Variants in IQCM observed in about 807,000 individuals in gnomAD.
IQCM encodes IQ motif containing M.
IQCM carries 45 observed loss-of-function variants against 57.6 expected under a neutral mutation model. The ratio of observed to expected loss-of-function variants is 0.78; its 90% CI spans 0.62 to 1.00. IQCM has a LOEUF of 1.00. Among genes scored for constraint, IQCM ranks in the 50% least tolerant of loss-of-function variants. The probability of loss-of-function intolerance (pLI) is 0.00; values close to 1 mark genes in which losing one functional copy is unlikely to be tolerated. For missense variants in IQCM, 468 were observed against 511.6 expected, an observed-to-expected ratio of 0.91 and a Z score of 0.82; for synonymous variants, 148 against 158.9, an observed-to-expected ratio of 0.93 and a Z score of 0.51.
rs1247839739 is a variant in IQCM, at chr4:149,610,122, C to A, written c.681+11007G>T. On this transcript the variant is annotated intron_variant, in intron 8 of 13. Transcript: ENST00000636793. The stretch of plus-strand genomic sequence containing the variant: ...TGAAAAAGAAACCAACAAAGTAATT[C>A]TATTTATAATAGCCACAAATAAAAA... Among the ~76,000 whole-genome samples the A allele has an allele frequency of 1.3e-5, 2 of 151,656 alleles. 1 individual carries two copies. Among genetic ancestry groups the A allele is most frequent in the South Asian group, 4.1e-4 (2 of 4,824 alleles).
chr4:149,789,243 A>C (rs1046733365), intron 2 of IQCM, among the ~76,000 whole-genome samples: 4 of 152,230 alleles, frequency 2.6e-5, no homozygotes, highest in African/African-American at 9.6e-5. Flanking sequence ...CTATGCACGC[A>C]ACAAAATATC....
intron 7 of IQCM, among the ~76,000 whole-genome samples, chr4:149,628,786 G>C (rs1488171944): frequency 6.6e-6 from 1 of 152,022 alleles, no homozygotes; most frequent in African/African-American, 2.4e-5. Flanking sequence ...TAAGAATAAA[G>C]AAAATTTAAT....
rs1766907340 is a variant in IQCM, at chr4:149,736,007, G to A, written c.38-549C>T. Among the ~76,000 whole-genome samples, 3 of 143,228 alleles carry A rather than the reference G, an allele frequency of 2.1e-5. No homozygotes were observed. In the Admixed American group the frequency reaches 2.1e-4, roughly 10 times the overall value. 94.0% of individuals were successfully genotyped at this position (143,228 alleles called of 152,430 possible). On this transcript the variant is annotated intron_variant, in intron 3 of 13. Coordinates refer to ENST00000636793, the MANE Select transcript of IQCM (RefSeq NM_001363507.2). ...CTGTTGCCCAATCTGGAGTACAGTTGCACAATTCTGGCTCTGTGCAACCTC... is the reference window on the plus strand; with the variant it reads ...CTGTTGCCCAATCTGGAGTACAGTTACACAATTCTGGCTCTGTGCAACCTC...
At chr4:149,738,067 G>C (rs1183986349) in intron 3 of IQCM, among the ~76,000 whole-genome samples, 1 of 152,122 alleles carries the variant, frequency 6.6e-6, no homozygotes, top group East Asian at 1.9e-4. Flanking sequence ...TTTCAGACAA[G>C]ACCTTAGAGA....
Position 149,386,161 on chromosome 4 carries a change from A to G in IQCM, c.1391-34095T>C, listed in dbSNP as rs960026306. 3.9e-5 allele frequency among the ~76,000 whole-genome samples: 6 copies of G among 152,060 alleles called. No individual in the cohort carries two copies. In the East Asian group the frequency reaches 1.2e-3, roughly 29 times the overall value. ...AAGAAATGTGAGTTTGTGCACCTGTAATTTACTATTACTGTATAGCATGTT... is the reference window on the plus strand; with the variant it reads ...AAGAAATGTGAGTTTGTGCACCTGTGATTTACTATTACTGTATAGCATGTT... On this transcript the variant is annotated intron_variant, in intron 13 of 13. Transcript: ENST00000636793.
chr4:149,770,132 A>G (rs1561254637), intron 2 of IQCM, among the ~76,000 whole-genome samples: 1 of 147,706 alleles, frequency 6.8e-6, no homozygotes, highest in Admixed American at 6.7e-5. Context: ...ACAATAAAAA[A>G]AGGGGGCATT....
At chr4:149,386,930 A>C (rs1217526785) in intron 13 of IQCM, among the ~76,000 whole-genome samples, 2 of 152,034 alleles carry the variant, frequency 1.3e-5, no homozygotes, top group African/African-American at 4.8e-5. Flanking sequence ...TTTACCAAAA[A>C]CTACATAAGT....
intron 13 of IQCM, among the ~76,000 whole-genome samples, chr4:149,378,870 T>A (rs1730878373): frequency 6.6e-6 from 1 of 152,100 alleles, no homozygotes; most frequent in East Asian, 1.9e-4. Flanking sequence ...GCCCCTCCCA[T>A]CACAAACCTG....
At chr4:149,431,378 T>C (rs1579035378) in intron 13 of IQCM, among the ~76,000 whole-genome samples, 1 of 152,144 alleles carries the variant, frequency 6.6e-6, no homozygotes, top group East Asian at 1.9e-4. Context: ...TATATAATGA[T>C]ATCTCACTGT....
At chr4:149,745,278 G>A (rs1767822437) in intron 2 of IQCM, among the ~76,000 whole-genome samples, 1 of 152,184 alleles carries the variant, frequency 6.6e-6, no homozygotes, top group African/African-American at 2.4e-5. Context: ...AATGGTCAAA[G>A]AACTATTGAA....
At chr4:149,672,560 G>A (rs1561137871) in intron 7 of IQCM, among the ~76,000 whole-genome samples, 1 of 152,134 alleles carries the variant, frequency 6.6e-6, no homozygotes, top group Non-Finnish European at 1.5e-5. Context: ...AATGAAGTGA[G>A]AAGAGAAGTT....
rs534915796 is a variant in IQCM, at chr4:149,594,122, C to T, written c.682-6125G>A. Among the ~76,000 whole-genome samples, 21 of 152,252 alleles carry T rather than the reference C, an allele frequency of 1.4e-4. No homozygotes were observed. The East Asian group carries it at 2.5e-3, about 18-fold the overall frequency. On this transcript the variant is annotated intron_variant, in intron 8 of 13. Transcript: ENST00000636793. ...TTGATTGGTAGGCTATTAATTATTGCCTCAATTTCAGAGCCTGTTATTGGT... is the reference window on the plus strand; with the variant it reads ...TTGATTGGTAGGCTATTAATTATTGTCTCAATTTCAGAGCCTGTTATTGGT...
At chr4:149,662,671 C>G (rs1336755615) in intron 7 of IQCM, among the ~76,000 whole-genome samples, 1 of 151,788 alleles carries the variant, frequency 6.6e-6, no homozygotes, top group Non-Finnish European at 1.5e-5. Context: ...TTCTCTGTTT[C>G]TTTCTATAAT....
At chr4:149,393,953 T>C (rs1289975665) in intron 13 of IQCM, among the ~76,000 whole-genome samples, 3 of 151,942 alleles carry the variant, frequency 2.0e-5, no homozygotes, top group African/African-American at 7.2e-5. Flanking sequence ...TAAACAAATG[T>C]TGCATGGATA....
At chr4:149,753,706 T>C (rs1476825466) in intron 2 of IQCM, among the ~76,000 whole-genome samples, 7 of 149,978 alleles carry the variant, frequency 4.7e-5, no homozygotes, top group African/African-American at 1.7e-4. Context: ...GTTGTGCCCA[T>C]GTACCCTAGA....
intron 13 of IQCM, among the ~76,000 whole-genome samples, chr4:149,364,283 C>A (rs1729688470): frequency 6.6e-6 from 1 of 152,016 alleles, no homozygotes; most frequent in African/African-American, 2.4e-5. Context: ...TTGAAGGGGG[C>A]TATAGCAATA....
chr4:149,546,976 C>G (rs1437989296), intron 12 of IQCM, among the ~76,000 whole-genome samples: 1 of 152,060 alleles, frequency 6.6e-6, no homozygotes, highest in Non-Finnish European at 1.5e-5. Flanking sequence ...AGTCTTTAAT[C>G]CATCTTGAAT....
chr4:149,790,392 C>T, intron 2 of IQCM: 1 of 178,000 alleles, frequency 5.6e-6, no homozygotes, highest in Non-Finnish European at 1.3e-5. Context: ...TGCCAATACC[C>T]CTTCTGTGAA....
At chr4:149,577,921 A>T (rs1054356706) in intron 9 of IQCM, among the ~76,000 whole-genome samples, 13 of 151,532 alleles carry the variant, frequency 8.6e-5, no homozygotes, top group Non-Finnish European at 1.9e-4. Flanking sequence ...TGTAATTCTC[A>T]TTGTAGAGAT....
Sources: gnomAD v4.1 joint callset for allele counts (sites outside exome capture counted in the v4.1 genomes callset) on GRCh38, gnomAD v4.1.1 for gene constraint, MANE v1.5 for transcripts, NCBI Gene and HGNC (gene_info 2026-07-23, HGNC 2026-07-21) for gene names.